EHF: variants seen among roughly 807,000 people sequenced by gnomAD.
The protein encoded by EHF is ETS homologous factor, also known as ESE3 transcription factor.
EHF carries 14 observed loss-of-function variants against 45.1 expected under a neutral mutation model. That is an observed-to-expected ratio of 0.31 (90% CI 0.21 to 0.49). The LOEUF (loss-of-function observed/expected upper bound fraction) is 0.49. Ranked by LOEUF, EHF falls within the 20% of genes least tolerant of loss-of-function variation. EHF has a pLI of 0.99. For missense variants in EHF, 282 were observed against 371.4 expected (o/e 0.76, Z 1.98); for synonymous variants, 136 against 131.8 (o/e 1.03, Z -0.22).
chr11:34,651,997 C>T (rs1855220114), intron 6 of EHF, among the ~76,000 whole-genome samples, 192 bp downstream of exon 6: 1 of 152,186 alleles, frequency 6.6e-6, no homozygotes, highest in African/African-American at 2.4e-5. Flanking sequence ...CGTAGGGATC[C>T]TCTAGGCAAA....
rs1420549832 is a variant in EHF at position 34,646,496 on chromosome 11, A to G, written c.155A>G (p.Lys52Arg). Reference sequence around the variant, plus strand: ...GAAATTCATCCTCAGTACTGGACCAAGTACCAGGTGTGGGAGTGGCTCCAG... The same window carrying G: ...GAAATTCATCCTCAGTACTGGACCAGGTACCAGGTGTGGGAGTGGCTCCAG... ...WHEIHPQYWT[K>R]YQVWEWLQHL... Residue 52 changes from lysine (K) to arginine (R), a missense_variant, in exon 3 of 9, where the codon AAG (lysine) becomes AGG (arginine). By Grantham distance (26) the Lys-to-Arg change is conservative. This residue lies in a region of EHF where 213 missense variants were observed against 247.3 expected (regional missense o/e 0.86). Coordinates refer to ENST00000257831, the MANE Select transcript of EHF (RefSeq NM_012153.6). The G allele has an allele frequency of 3.1e-6, 5 of 1,614,138 alleles. No homozygotes were observed. Among genetic ancestry groups the G allele is most frequent in the South Asian group, 2.2e-5 (2 of 91,070 alleles).
chr11:34,634,299 G>C (rs1216124579), intron 1 of EHF, among the ~76,000 whole-genome samples: 2 of 152,216 alleles, frequency 1.3e-5, no homozygotes, highest in African/African-American at 4.8e-5. Context: ...GAATTCACCT[G>C]CTGGTAACTT....
chr11:34,622,314 G>A (rs992144639), intron 1 of EHF: 5 of 738,244 alleles, frequency 6.8e-6, no homozygotes, highest in African/African-American at 3.6e-5. Context: ...TGTCTCTGCT[G>A]GTTATCTGCA....
At chr11:34,649,579 C>T (rs1274504120) in intron 4 of EHF, among the ~76,000 whole-genome samples, 3 of 152,178 alleles carry the variant, frequency 2.0e-5, no homozygotes, top group Non-Finnish European at 4.4e-5. Context: ...TACAAAGGTA[C>T]CTGCAACCCA....
chr11:34,638,507 T>C (rs904667133), intron 1 of EHF, among the ~76,000 whole-genome samples: 3 of 152,298 alleles, frequency 2.0e-5, no homozygotes, highest in East Asian at 1.9e-4. Context: ...CCTAAGTTTG[T>C]CACGTCAGTA....
rs997477082 is a variant in EHF, at chr11:34,658,951, A to G, written c.*20A>G. 1 of 1,553,982 alleles carries G rather than the reference A, an allele frequency of 6.4e-7. No individual in the cohort carries two copies. Among genetic ancestry groups the G allele is most frequent in the Non-Finnish European group, 8.8e-7 (1 of 1,134,066 alleles). On this transcript the variant is annotated 3_prime_UTR_variant, in exon 9 of 9. Coordinates refer to ENST00000257831, the MANE Select transcript of EHF (RefSeq NM_012153.6). ...AACTGAAGCTGCCAATACTTTGGAC[A>G]CAAACCAAAACACACACCAAATAAT...
intron 1 of EHF, among the ~76,000 whole-genome samples, chr11:34,632,012 C>G (rs1852939419): frequency 6.6e-6 from 1 of 152,210 alleles, no homozygotes. Flanking sequence ...ACAACGTCTT[C>G]TGGCTTCTCA....
In EHF at chr11:34,621,173, C is replaced by G. The variant is rs965585979; in HGVS notation, c.-59C>G. 2 of 152,238 alleles carry G rather than the reference C, an allele frequency of 1.3e-5. No homozygotes were observed. The highest frequency in any genetic ancestry group is 4.8e-5 in the African/African-American group (2 of 41,442). The allele number at this position is 152,238 out of a possible 1,614,324, so 9.4% of individuals were successfully genotyped here. ...CTGGTGAGATTGCAGCCTGCTGCCTCCCCTCCAACAGCCACAGCTATTGGA... is the reference window on the plus strand; with the variant it reads ...CTGGTGAGATTGCAGCCTGCTGCCTGCCCTCCAACAGCCACAGCTATTGGA... On this transcript the variant is annotated 5_prime_UTR_variant, in exon 1 of 9. Transcript: ENST00000257831.
chr11:34,635,322 A>T (rs1439366586), intron 1 of EHF, among the ~76,000 whole-genome samples: 2 of 151,988 alleles, frequency 1.3e-5, no homozygotes, highest in Non-Finnish European at 1.5e-5. Context: ...TGGGCTTGTT[A>T]GGAATCCCGA....
chr11:34,657,000 G>C, intron 7 of EHF, 30 bp downstream of exon 7: 1 of 1,612,052 alleles, frequency 6.2e-7, no homozygotes, highest in Non-Finnish European at 8.5e-7. Context: ...GATGGCCTTT[G>C]GTCCTTCCCA....
At chr11:34,652,500 C>T (rs955829058) in intron 6 of EHF, among the ~76,000 whole-genome samples, 2 of 152,128 alleles carry the variant, frequency 1.3e-5, no homozygotes, top group Non-Finnish European at 2.9e-5. Flanking sequence ...GATTACCACC[C>T]CCACCTACAA....
chr11:34,625,634 A>C (rs1165383642), intron 1 of EHF, among the ~76,000 whole-genome samples: 1 of 152,242 alleles, frequency 6.6e-6, no homozygotes, highest in Non-Finnish European at 1.5e-5. Context: ...CAACAGGGCC[A>C]AGCAGGGTGG....
chr11:34,629,639 G>C (rs529365183), intron 1 of EHF, among the ~76,000 whole-genome samples: 26 of 152,192 alleles, frequency 1.7e-4, no homozygotes, highest in Non-Finnish European at 3.7e-4. Flanking sequence ...TTCAAAACAG[G>C]GATGTGGACG....
rs566966742 is a variant in EHF at position 34,626,381 on chromosome 11, G to T, written c.-4+5153G>T. Among the ~76,000 whole-genome samples, 130 of 152,236 alleles carry T rather than the reference G, an allele frequency of 8.5e-4. 1 individual carries two copies. The highest frequency in any genetic ancestry group is 2.9e-3 in the African/African-American group (120 of 41,528). ...AGATTGGAGAATATGGTCATCTTGT[G>T]GAGGTTATTCCAGGCTTCTTCTTAG... On this transcript the variant is annotated intron_variant, in intron 1 of 8. Coordinates refer to ENST00000257831, the MANE Select transcript of EHF (RefSeq NM_012153.6).
At chr11:34,652,724 C>A (rs1274491534) in intron 6 of EHF, among the ~76,000 whole-genome samples, 2 of 152,150 alleles carry the variant, frequency 1.3e-5, no homozygotes, top group Admixed American at 6.5e-5. Context: ...TAGTCTGCAA[C>A]CCTTCCTTCC....
chr11:34,641,316 A>G (rs1294566548), intron 1 of EHF, among the ~76,000 whole-genome samples: 2 of 152,180 alleles, frequency 1.3e-5, no homozygotes, highest in Non-Finnish European at 2.9e-5. Context: ...CAGCACCTAG[A>G]ATAGTGCCCA....
At chr11:34,645,444 C>A (rs1178584375) in intron 2 of EHF, among the ~76,000 whole-genome samples, 1 of 152,142 alleles carries the variant, frequency 6.6e-6, no homozygotes, top group South Asian at 2.1e-4. Flanking sequence ...TCTACTATGA[C>A]AAAGTCTCTG....
At chr11:34,634,499 A>G (rs760216801) in intron 1 of EHF, among the ~76,000 whole-genome samples, 8 of 152,148 alleles carry the variant, frequency 5.3e-5, no homozygotes, top group Non-Finnish European at 8.8e-5. Context: ...TTGACTCTCA[A>G]TCCCCTGGGG....
At chr11:34,650,047 A>G (rs1210570941) in intron 4 of EHF, among the ~76,000 whole-genome samples, 1 of 152,248 alleles carries the variant, frequency 6.6e-6, no homozygotes, top group Non-Finnish European at 1.5e-5. Flanking sequence ...GGGATGGGCC[A>G]TCTGGATGTT....
Sources: gnomAD v4.1 joint callset for allele counts (sites outside exome capture counted in the v4.1 genomes callset) on GRCh38, gnomAD v4.1.1 for gene constraint, gnomAD v4.1.1 regional missense constraint, MANE v1.5 for transcripts, NCBI Gene and HGNC (gene_info 2026-07-23, HGNC 2026-07-21) for gene names.